ARHGAP5: variants seen among roughly 807,000 people sequenced by gnomAD.
The protein encoded by ARHGAP5 is Rho GTPase activating protein 5.
A neutral mutation model predicts 116.6 loss-of-function variants in ARHGAP5; 23 were observed. The observed-to-expected ratio is 0.20, with a 90% CI of 0.14 to 0.28. ARHGAP5 has a LOEUF of 0.28. ARHGAP5 is among the 10% of genes least tolerant of loss of function. The pLI is 1.00. For synonymous variants in ARHGAP5, 574 were observed against 602.0 expected (o/e 0.95, Z 0.68); for missense variants, 1,405 against 1,774.8 (o/e 0.79, Z 3.74).
chr14:32,123,020 T>C (rs1472352595), intron 3 of ARHGAP5, among the ~76,000 whole-genome samples: 1 of 152,132 alleles, frequency 6.6e-6, no homozygotes, highest in Non-Finnish European at 1.5e-5. Context: ...CTGCTTGTTA[T>C]GATATCTCAT....
chr14:32,111,659 G>A lies in ARHGAP5; in HGVS notation c.3718-5481G>A, dbSNP rs1251184290. ...AGGGCAAAACCCAGTGTTTTGTGGT[G>A]TGTATAATAAGAATGATATAGCAGG... On this transcript the variant is annotated intron_variant, in intron 2 of 6. Transcript: ENST00000345122. 2.6e-5 allele frequency among the ~76,000 whole-genome samples: 4 copies of A among 152,112 alleles called. No individual in the cohort carries two copies. The South Asian group carries it at 8.3e-4, about 31-fold the overall frequency.
chr14:32,129,837 C>T (rs911835014), intron 3 of ARHGAP5, among the ~76,000 whole-genome samples: 1 of 152,176 alleles, frequency 6.6e-6, no homozygotes, highest in African/African-American at 2.4e-5. Flanking sequence ...CCTCTGGTTA[C>T]TCTGTGTTTG....
chr14:32,104,313 G>A (rs1442865180), intron 2 of ARHGAP5, among the ~76,000 whole-genome samples: 4 of 152,138 alleles, frequency 2.6e-5, no homozygotes, highest in Non-Finnish European at 5.9e-5. Context: ...AATATATGTT[G>A]AAATGCTTTT....
intron 2 of ARHGAP5, among the ~76,000 whole-genome samples, chr14:32,110,127 T>TC (rs201974076): frequency 0.023 from 3,450 of 152,124 alleles, 51 homozygotes; most frequent in Non-Finnish European, 0.037. Context: ...TTCATAGTGT[T>TC]CCAGATGTTT....
At chr14:32,145,387 A>G (rs1881327585) in intron 3 of ARHGAP5, among the ~76,000 whole-genome samples, 1 of 152,224 alleles carries the variant, frequency 6.6e-6, no homozygotes, top group Non-Finnish European at 1.5e-5. Flanking sequence ...AATTATAGTC[A>G]AAAAGGTTTT....
intron 3 of ARHGAP5, among the ~76,000 whole-genome samples, chr14:32,140,709 T>C (rs1881082835): frequency 6.6e-6 from 1 of 152,272 alleles, no homozygotes; most frequent in African/African-American, 2.4e-5. Flanking sequence ...TTCATGCCTT[T>C]AAAATTTATT....
chr14:32,085,491 C>T (rs539752484), intron 1 of ARHGAP5, among the ~76,000 whole-genome samples: 2 of 152,274 alleles, frequency 1.3e-5, no homozygotes, highest in South Asian at 2.1e-4. Context: ...ATCAGTACTA[C>T]ACTCTGTTCA....
At chr14:32,111,068 A>G (rs1281276002) in intron 2 of ARHGAP5, among the ~76,000 whole-genome samples, 2 of 152,238 alleles carry the variant, frequency 1.3e-5, no homozygotes, top group Non-Finnish European at 2.9e-5. Flanking sequence ...TTATCAGCAT[A>G]TAGATGATGT....
intron 2 of ARHGAP5, among the ~76,000 whole-genome samples, chr14:32,113,417 A>T (rs1879407570): frequency 6.6e-6 from 1 of 152,242 alleles, no homozygotes; most frequent in Admixed American, 6.5e-5. Context: ...TTATAATTTG[A>T]CTGTCAGAGC....
At chr14:32,095,948 T>C (rs999721241) in intron 2 of ARHGAP5, among the ~76,000 whole-genome samples, 10 of 152,242 alleles carry the variant, frequency 6.6e-5, no homozygotes, top group Non-Finnish European at 1.3e-4. Flanking sequence ...TGTTTTTTTT[T>C]CCATTTTTGT....
At chr14:32,103,889 A>G (rs1322574104) in intron 2 of ARHGAP5, among the ~76,000 whole-genome samples, 2 of 152,212 alleles carry the variant, frequency 1.3e-5, no homozygotes, top group Non-Finnish European at 2.9e-5. Context: ...AATCCTTACA[A>G]CAAAATATAA....
chr14:32,115,690 G>A (rs1179460151), intron 2 of ARHGAP5, among the ~76,000 whole-genome samples: 2 of 146,362 alleles, frequency 1.4e-5, no homozygotes, highest in Non-Finnish European at 3.0e-5. Context: ...AAAAAGCATC[G>A]GCTGGGTGCT....
intron 3 of ARHGAP5, among the ~76,000 whole-genome samples, chr14:32,123,286 C>T (rs1271350303): frequency 6.6e-6 from 1 of 151,872 alleles, no homozygotes; most frequent in African/African-American, 2.4e-5. Flanking sequence ...GCCATTATTT[C>T]TTGAAGTATT....
intron 2 of ARHGAP5, among the ~76,000 whole-genome samples, chr14:32,098,974 G>A (rs191101013): frequency 1.3e-5 from 2 of 152,314 alleles, no homozygotes; most frequent in East Asian, 3.9e-4. Flanking sequence ...GGCTGTGGAA[G>A]ACCGTTTAGT....
chr14:32,088,264 CTG>C (rs573124654), intron 1 of ARHGAP5, among the ~76,000 whole-genome samples: 7 of 151,844 alleles, frequency 4.6e-5, no homozygotes, highest in East Asian at 1.9e-4. Flanking sequence ...CATTATGTAA[CTG>C]TAGTGTTTTT....
intron 3 of ARHGAP5, among the ~76,000 whole-genome samples, chr14:32,137,506 T>G (rs1201924104): frequency 6.6e-6 from 1 of 151,842 alleles, no homozygotes; most frequent in Non-Finnish European, 1.5e-5. Flanking sequence ...AAGCATAGAG[T>G]TCTTCGGTTT....
At chr14:32,131,028 C>G (rs1269354304) in intron 3 of ARHGAP5, among the ~76,000 whole-genome samples, 1 of 152,164 alleles carries the variant, frequency 6.6e-6, no homozygotes, top group Non-Finnish European at 1.5e-5. Flanking sequence ...ACTTCACCTC[C>G]AAGTCATTTA....
chr14:32,094,091 C>A lies in ARHGAP5; in HGVS notation c.3422C>A (p.Thr1141Asn), dbSNP rs1322644272. The change falls in exon 2 of 7, where the codon ACC becomes AAC. Residue 1141 changes from threonine to asparagine, a missense_variant. This residue lies in a region of ARHGAP5 where 944 missense variants were observed against 1,095.3 expected (regional missense o/e 0.86). Transcript: ENST00000345122. ...GDEENGFSDR[T>N]SKSHGERRPS... Reference sequence around the variant, plus strand: ...GAAGAAAATGGGTTTTCTGATAGAACCTCAAAAAGTCATGGGGAACGGAGG... The same window carrying A: ...GAAGAAAATGGGTTTTCTGATAGAAACTCAAAAAGTCATGGGGAACGGAGG... The A allele has an allele frequency of 6.2e-7, 1 of 1,613,870 alleles. No homozygotes were observed. Among genetic ancestry groups the A allele is most frequent in the Non-Finnish European group, 8.5e-7 (1 of 1,179,988 alleles).
At chr14:32,146,365 A>T in intron 4 of ARHGAP5, 25 bp downstream of exon 4, 2 of 1,540,600 alleles carry the variant, frequency 1.3e-6, no homozygotes, top group African/African-American at 1.4e-5. Context: ...ATGTGAAATA[A>T]AAATTGTTGT....
Sources: allele counts gnomAD v4.1 joint callset (sites outside exome capture counted in the v4.1 genomes callset), GRCh38; gene constraint gnomAD v4.1.1; regional missense constraint gnomAD v4.1.1; transcripts MANE v1.5; gene names NCBI Gene and HGNC (gene_info 2026-07-23, HGNC 2026-07-21).